Variants in RBFOX1 observed in about 807,000 individuals in gnomAD.
RBFOX1 encodes RNA binding protein fox-1 homolog 1.
A neutral mutation model predicts 57.7 loss-of-function variants in RBFOX1; 8 were observed. The ratio of observed to expected loss-of-function variants is 0.14; its 90% confidence interval spans 0.08 to 0.25. The LOEUF (loss-of-function observed/expected upper bound fraction) is 0.25, where lower values mean the gene tolerates loss of function less well. RBFOX1 is among the 10% of genes least tolerant of loss of function. The pLI, the probability that RBFOX1 is intolerant of heterozygous loss-of-function variation, is 1.00. For synonymous variants in RBFOX1, 326 were observed against 222.4 expected (o/e 1.47, Z -4.15); for missense variants, 611 against 548.5 (o/e 1.11, Z -1.14).
intron 10 of RBFOX1, among the ~76,000 whole-genome samples, chr16:7,618,234 C>A (rs903229775): frequency 6.6e-6 from 1 of 152,080 alleles, no homozygotes; most frequent in Admixed American, 6.6e-5. Context: ...TTAAAAATAA[C>A]AATTATAATT....
intron 1 of RBFOX1, among the ~76,000 whole-genome samples, chr16:5,363,244 C>G (rs1420914524): frequency 6.6e-6 from 1 of 150,864 alleles, no homozygotes; most frequent in Non-Finnish European, 1.5e-5. Context: ...AGGATTTCGC[C>G]ATGTTGGCAA....
At chr16:7,683,350 A>G (rs1289909705) in intron 14 of RBFOX1, among the ~76,000 whole-genome samples, 1 of 151,816 alleles carries the variant, frequency 6.6e-6, no homozygotes, top group Non-Finnish European at 1.5e-5. Context: ...AGACACACAC[A>G]CGTTAAAAGA....
chr16:5,620,802 T>G (rs1461036525), intron 3 of RBFOX1, among the ~76,000 whole-genome samples: 2 of 152,122 alleles, frequency 1.3e-5, no homozygotes, highest in African/African-American at 4.8e-5. Context: ...CCTCAGCTGC[T>G]TGAGTAGCCG....
At chr16:5,355,770 C>T (rs2065372321) in intron 1 of RBFOX1, among the ~76,000 whole-genome samples, 1 of 152,062 alleles carries the variant, frequency 6.6e-6, no homozygotes, top group Non-Finnish European at 1.5e-5. Flanking sequence ...TTAGGGTAAG[C>T]CCTAATCCAA....
chr16:5,401,741 TTC>T (rs891696493), intron 1 of RBFOX1, among the ~76,000 whole-genome samples: 6 of 132,028 alleles, frequency 4.5e-5, no homozygotes, highest in Non-Finnish European at 8.2e-5. Context: ...CTGTCTCTTT[TTC>T]TCTCTCTCTC....
intron 2 of RBFOX1, among the ~76,000 whole-genome samples, chr16:5,549,599 C>T (rs1597483646): frequency 6.6e-6 from 1 of 152,208 alleles, no homozygotes; most frequent in East Asian, 1.9e-4. Flanking sequence ...TGCAGAATTG[C>T]ACAGTAAAAC....
chr16:6,897,970 C>T (rs555261505), intron 3 of RBFOX1, among the ~76,000 whole-genome samples: 7 of 152,128 alleles, frequency 4.6e-5, no homozygotes, highest in African/African-American at 1.7e-4. Flanking sequence ...TTATAGGTAA[C>T]TTAAGGTCTG....
intron 11 of RBFOX1, among the ~76,000 whole-genome samples, chr16:7,638,162 G>T (rs1405357376): frequency 6.6e-6 from 1 of 152,158 alleles, no homozygotes; most frequent in African/African-American, 2.4e-5. Context: ...CCTAGTTGCA[G>T]CCCTGAAATC....
At chr16:5,890,697 GAAAAA>G (rs71404558) in intron 4 of RBFOX1, among the ~76,000 whole-genome samples, 6 of 61,468 alleles carry the variant, frequency 9.8e-5, no homozygotes, top group South Asian at 1.7e-3. Flanking sequence ...AGTCTGTATT[GAAAAA>G]AAAAAAAAAA....
intron 4 of RBFOX1, among the ~76,000 whole-genome samples, chr16:7,258,770 T>G (rs562746724): frequency 6.6e-6 from 1 of 152,338 alleles, no homozygotes; most frequent in African/African-American, 2.4e-5. Context: ...TTGCTGCAAC[T>G]ACTGCTGATT....
intron 4 of RBFOX1, among the ~76,000 whole-genome samples, chr16:7,269,675 T>A (rs2095269006): frequency 1.3e-5 from 2 of 152,250 alleles, no homozygotes; most frequent in Admixed American, 6.5e-5. Flanking sequence ...AAATTTTTTA[T>A]CTTTCTCCCT....
intron 3 of RBFOX1, among the ~76,000 whole-genome samples, chr16:6,889,969 C>G (rs555649482): frequency 6.6e-6 from 1 of 152,272 alleles, no homozygotes; most frequent in South Asian, 2.1e-4. Flanking sequence ...AACTAGAATT[C>G]CAGGAGACCA....
rs113561742 is a variant in RBFOX1, at chr16:6,771,380, C to G, written c.-16+116730C>G. 2.1e-3 allele frequency among the ~76,000 whole-genome samples: 321 copies of G among 152,220 alleles called. 4 individuals are homozygous for G. Among genetic ancestry groups the G allele is most frequent in the African/African-American group, 4.5e-3 (186 of 41,520 alleles). ...GATATGATGCAGATAGTACACAGAT[C>G]TTTCTGACGCCTAAGTCAGCAGCCC... On this transcript the variant is annotated intron_variant, in intron 3 of 15. Coordinates refer to ENST00000550418, the MANE Select transcript of RBFOX1 (RefSeq NM_018723.4).
chr16:6,047,249 C>T (rs1185732065), intron 1 of RBFOX1, among the ~76,000 whole-genome samples: 3 of 152,184 alleles, frequency 2.0e-5, no homozygotes, highest in Non-Finnish European at 4.4e-5. Context: ...CCTGCCAGCC[C>T]ATGAGGTTAG....
At chr16:5,276,055 A>C (rs1272075496) in intron 1 of RBFOX1, among the ~76,000 whole-genome samples, 1 of 152,252 alleles carries the variant, frequency 6.6e-6, no homozygotes, top group Non-Finnish European at 1.5e-5. Context: ...CAAAGACTTA[A>C]ATCTAAGGTC....
At position 6,842,152 on chromosome 16, in the gene RBFOX1, T is replaced by A. The variant is rs1046939836; in HGVS notation, c.-16+187502T>A. On this transcript the variant is annotated intron_variant, in intron 3 of 15. Transcript: ENST00000550418. ...AGCAAGACTGTCTCAGAAAAAAAAA[T>A]AAAAAATAAATAAATAAATAAATAA... 6.2e-3 allele frequency among the ~76,000 whole-genome samples: 806 copies of A among 129,018 alleles called. 10 individuals carry two copies. The highest frequency in any genetic ancestry group is 0.023 in the African/African-American group (763 of 33,288). 84.6% of individuals were successfully genotyped at this position (129,018 alleles called of 152,430 possible).
intron 11 of RBFOX1, among the ~76,000 whole-genome samples, chr16:7,639,288 C>A (rs1293114956): frequency 6.6e-6 from 1 of 152,200 alleles, no homozygotes; most frequent in Non-Finnish European, 1.5e-5. Flanking sequence ...ACAATGCTGG[C>A]TCTAAAAGAT....
intron 3 of RBFOX1, among the ~76,000 whole-genome samples, chr16:6,813,062 T>C (rs2089161513): frequency 6.6e-6 from 1 of 152,020 alleles, no homozygotes; most frequent in Admixed American, 6.6e-5. Flanking sequence ...CAAACAATGC[T>C]GATGTATATG....
intron 3 of RBFOX1, among the ~76,000 whole-genome samples, chr16:5,733,629 A>G (rs1454195401): frequency 6.6e-6 from 1 of 151,866 alleles, no homozygotes; most frequent in East Asian, 1.9e-4. Context: ...TCATGATGTT[A>G]CTCTTGTCCA....
Sources: allele counts gnomAD v4.1 joint callset (sites outside exome capture counted in the v4.1 genomes callset), GRCh38; gene constraint gnomAD v4.1.1; transcripts MANE v1.5; gene names NCBI Gene and HGNC (gene_info 2026-07-23, HGNC 2026-07-21).